Variants in SLC6A4 observed in about 807,000 individuals in gnomAD.
SLC6A4 encodes solute carrier family 6 member 4.
SLC6A4 carries 22 observed loss-of-function variants against 73.4 expected under a neutral mutation model. The ratio of observed to expected loss-of-function variants is 0.30; its 90% CI spans 0.21 to 0.43. The LOEUF (loss-of-function observed/expected upper bound fraction) is 0.43. Among genes scored for constraint, SLC6A4 ranks in the 20% least tolerant of loss-of-function variants. SLC6A4 has a pLI of 1.00. For synonymous variants in SLC6A4, 270 were observed against 315.5 expected, an observed-to-expected ratio of 0.86 and a Z score of 1.53; for missense variants, 593 against 808.5, an observed-to-expected ratio of 0.73 and a Z score of 3.23.
chr17:30,207,905 C>G (rs1247451534), intron 12 of SLC6A4, 73 bp from the exon 13 acceptor site: 2 of 1,113,366 alleles, frequency 1.8e-6, no homozygotes, highest in African/African-American at 1.5e-5. Context: ...CCCTGATTCT[C>G]TGGGAGAGTC....
intron 3 of SLC6A4, among the ~76,000 whole-genome samples, 166 bp from the exon 4 acceptor site, chr17:30,219,097 A>G (rs1329550928): frequency 1.3e-5 from 2 of 152,190 alleles, no homozygotes; most frequent in Non-Finnish European, 2.9e-5. Context: ...CTTTGCTAGA[A>G]GCAGTCGTAG....
intron 13 of SLC6A4, among the ~76,000 whole-genome samples, chr17:30,207,084 T>C (rs1246185335): frequency 6.6e-6 from 1 of 152,144 alleles, no homozygotes; most frequent in Non-Finnish European, 1.5e-5. Flanking sequence ...TATAGAAAAG[T>C]GAGTGTAAGT....
rs145732192 is a variant in SLC6A4, at chr17:30,211,331, G to A, written c.1298C>T (p.Thr433Met). 35 of 1,609,674 alleles carry A rather than the reference G, an allele frequency of 2.2e-5. No homozygotes were observed. Among genetic ancestry groups the A allele is most frequent in the Middle Eastern group, 1.7e-4 (1 of 5,818 alleles). ...FAIIFFLMLITLGLDSTFAGL... is the reference protein window; with the variant it reads ...FAIIFFLMLIMLGLDSTFAGL... ...CCTCACCGTGCTGTCCAAGCCCAGCGTGATTAACATCAGAAAGAAGATGAT... is the reference window on the plus strand; with the variant it reads ...CCTCACCGTGCTGTCCAAGCCCAGCATGATTAACATCAGAAAGAAGATGAT... The change falls in exon 10 of 15, where the codon ACG (threonine) becomes ATG (methionine). Residue 433 changes from threonine to methionine, a missense_variant. Transcript: ENST00000650711. This position sits in a 1 kb window ranked among gnomAD's most constrained non-coding sequence, Gnocchi z 4.0.
intron 3 of SLC6A4, among the ~76,000 whole-genome samples, chr17:30,219,867 A>G (rs1383937716): frequency 1.3e-5 from 2 of 152,210 alleles, no homozygotes; most frequent in African/African-American, 4.8e-5. Context: ...AGAAAGGTCC[A>G]TGTAATTTAC....
Position 30,210,595 on chromosome 17 carries a change from C to T in SLC6A4, c.1369G>A (p.Val457Ile), listed in dbSNP as rs190758123. 107 of 1,613,752 alleles carry T rather than the reference C, an allele frequency of 6.6e-5. 1 individual carries two copies. The highest frequency in any genetic ancestry group is 5.8e-4 in the South Asian group (53 of 91,032). Reference sequence around the variant, plus strand: ...AACCGCTCCCGGCGCTTGGCCCAGACGTGTGGGAACTCATCCAGCACAGCC... The same window carrying T: ...AACCGCTCCCGGCGCTTGGCCCAGATGTGTGGGAACTCATCCAGCACAGCC... Reference protein sequence around the residue: ...ITAVLDEFPHVWAKRRERFVL... With the variant: ...ITAVLDEFPHIWAKRRERFVL... Residue 457 changes from valine (V) to isoleucine (I), a missense_variant, in exon 11 of 15, where the codon GTC (valine) becomes ATC (isoleucine). Transcript: ENST00000650711.
chr17:30,206,997 C>T (rs1437997579), intron 13 of SLC6A4, among the ~76,000 whole-genome samples: 1 of 152,126 alleles, frequency 6.6e-6, no homozygotes, highest in Non-Finnish European at 1.5e-5. Context: ...TGAGCCACTG[C>T]ACCCAGCCTC....
Position 30,235,294 on chromosome 17 carries a change from A to T in SLC6A4, c.-221+319T>A, listed in dbSNP as rs1907234210. Among the ~76,000 whole-genome samples the T allele has an allele frequency of 6.6e-6, 1 of 152,116 alleles. No homozygotes were observed. Among genetic ancestry groups the T allele is most frequent in the African/African-American group, 2.4e-5 (1 of 41,424 alleles). On this transcript the variant is annotated intron_variant, in intron 1 of 14. Coordinates refer to ENST00000650711, the MANE Select transcript of SLC6A4 (RefSeq NM_001045.6). The surrounding 1 kb of genome is among the most constrained non-coding windows in gnomAD (Gnocchi z 4.5). Reference sequence around the variant, plus strand: ...AGCGCAGGACAGCACTTTGCTCAAGACCCTCTTTAAGGGGTCTTTCACGGG... The same window carrying T: ...AGCGCAGGACAGCACTTTGCTCAAGTCCCTCTTTAAGGGGTCTTTCACGGG...
intron 14 of SLC6A4, among the ~76,000 whole-genome samples, chr17:30,202,875 A>G (rs111909160): frequency 6.6e-6 from 1 of 152,202 alleles, no homozygotes; most frequent in Non-Finnish European, 1.5e-5. Context: ...AGTGGCAAGC[A>G]GGAGGCAGGG....
At position 30,198,512 on chromosome 17, in the gene SLC6A4, TA is replaced by T; in HGVS notation, c.1836del (p.Thr613ProfsTer15). 6.3e-7 allele frequency: 1 copy of T among 1,589,680 alleles called. No individual in the cohort carries two copies. Among genetic ancestry groups the T allele is most frequent in the South Asian group, 1.1e-5 (1 of 90,514 alleles). The part of the protein sequence containing the change: ...GTFKERIIKS[I>X]TPETPTEIPC... ...GGAATTTCTGTTGGTGTTTCTGGGG[TA>T]ATACTTTTAATAATACGCTATTGGG... is the stretch of plus-strand genomic sequence containing the variant. On this transcript the variant is annotated frameshift_variant, in exon 15 of 15. Transcript: ENST00000650711. LOFTEE classifies it high-confidence loss of function.
At position 30,209,192 on chromosome 17, in the gene SLC6A4, T is replaced by C. The variant is rs1906304333; in HGVS notation, c.1500A>G (p.Ala500=). The C allele has an allele frequency of 6.2e-7, 1 of 1,613,904 alleles. No individual in the cohort carries two copies. Among genetic ancestry groups the C allele is most frequent in the Non-Finnish European group, 8.5e-7 (1 of 1,179,898 alleles). The change falls in exon 12 of 15, where the codon GCA becomes GCG. Residue 500 remains alanine, a synonymous_variant. Transcript: ENST00000650711. ...KLLEEYATGP[A]VLTVALIEAV... ...CTTCGATCAGCGCGACAGTGAGCAC[T>C]GCGGGCCCCGTGGCATACTCCTCCA... is the stretch of plus-strand genomic sequence containing the variant.
Position 30,202,197 on chromosome 17 carries a change from C to A in SLC6A4, c.1818+975G>T, listed in dbSNP as rs538059467. Reference sequence around the variant, plus strand: ...GTGATGGACTCATGTCTAAATTTTGCGTAAGATCTCAAATTAGCCCACCTC... The same window carrying A: ...GTGATGGACTCATGTCTAAATTTTGAGTAAGATCTCAAATTAGCCCACCTC... On this transcript the variant is annotated intron_variant, in intron 14 of 14. Coordinates refer to ENST00000650711, the MANE Select transcript of SLC6A4 (RefSeq NM_001045.6). Among the ~76,000 whole-genome samples, 4 of 152,252 alleles carry A rather than the reference C, an allele frequency of 2.6e-5. No homozygotes were observed. In the South Asian group the frequency reaches 8.3e-4, roughly 32 times the overall value.
chr17:30,232,550 C>T (rs1013482340), intron 1 of SLC6A4, among the ~76,000 whole-genome samples: 7 of 152,200 alleles, frequency 4.6e-5, no homozygotes, highest in African/African-American at 1.7e-4. Context: ...GCTAAAGAGC[C>T]TGTGGCTTAA....
rs1012049846 is a variant in SLC6A4 at position 30,218,610 on chromosome 17, C to T, written c.478+187G>A. Among the ~76,000 whole-genome samples the T allele has an allele frequency of 6.6e-5, 10 of 152,170 alleles. No homozygotes were observed. In the South Asian group the frequency reaches 8.3e-4, roughly 13 times the overall value. Reference sequence around the variant, plus strand: ...TTTACATTAGTTTACTTCTCATTGCCGTTTATTCTGTTTCTCTTTGACAAT... The same window carrying T: ...TTTACATTAGTTTACTTCTCATTGCTGTTTATTCTGTTTCTCTTTGACAAT... On this transcript the variant is annotated intron_variant, in intron 4 of 14. Transcript: ENST00000650711.
chr17:30,235,307 G>C lies in SLC6A4; in HGVS notation c.-221+306C>G, dbSNP rs1489877080. Reference sequence around the variant, plus strand: ...ACTTTGCTCAAGACCCTCTTTAAGGGGTCTTTCACGGGTCCTCAAGAGGTT... The same window carrying C: ...ACTTTGCTCAAGACCCTCTTTAAGGCGTCTTTCACGGGTCCTCAAGAGGTT... On this transcript the variant is annotated intron_variant, in intron 1 of 14. Coordinates refer to ENST00000650711, the MANE Select transcript of SLC6A4 (RefSeq NM_001045.6). This position sits in a 1 kb window ranked among gnomAD's most constrained non-coding sequence, Gnocchi z 4.5. Among the ~76,000 whole-genome samples, 2 of 152,146 alleles carry C rather than the reference G, an allele frequency of 1.3e-5. No individual in the cohort carries two copies. The highest frequency in any genetic ancestry group is 2.9e-5 in the Non-Finnish European group (2 of 68,014).
chr17:30,203,914 C>A (rs1309012521), intron 13 of SLC6A4, among the ~76,000 whole-genome samples: 1 of 152,196 alleles, frequency 6.6e-6, no homozygotes, highest in Non-Finnish European at 1.5e-5. Flanking sequence ...TGTCCTTCTC[C>A]CATTTTCCTG....
intron 13 of SLC6A4, 35 bp from the exon 14 acceptor site, chr17:30,203,374 TAAC>T (rs1483043799): frequency 1.3e-6 from 2 of 1,573,090 alleles, no homozygotes; most frequent in Non-Finnish European, 1.7e-6. Context: ...TTAAAAACCT[TAAC>T]AATATCCACT....
chr17:30,232,424 C>T lies in SLC6A4; in HGVS notation c.-221+3189G>A, dbSNP rs901994421. On this transcript the variant is annotated intron_variant, in intron 1 of 14. Transcript: ENST00000650711. ...GACCCTCCCCTTGCTGTCTGTCACT[C>T]GTCAGTACCTGAAGACCTGGGACAT... Among the ~76,000 whole-genome samples the T allele has an allele frequency of 5.3e-5, 8 of 152,224 alleles. No homozygotes were observed. The South Asian group carries it at 6.2e-4, about 12-fold the overall frequency.
intron 12 of SLC6A4, among the ~76,000 whole-genome samples, chr17:30,208,593 A>C (rs1192519887): frequency 6.6e-6 from 1 of 152,210 alleles, no homozygotes; most frequent in Non-Finnish European, 1.5e-5. Flanking sequence ...AAAACAAAAC[A>C]AAACAAAAGC....
intron 11 of SLC6A4, among the ~76,000 whole-genome samples, chr17:30,210,143 A>G (rs1166997700): frequency 6.6e-6 from 1 of 152,032 alleles, no homozygotes; most frequent in Non-Finnish European, 1.5e-5. Context: ...TCTGGAGGAG[A>G]CCAAGCGGCA....
Sources: allele counts gnomAD v4.1 joint callset (sites outside exome capture counted in the v4.1 genomes callset), GRCh38; gene constraint gnomAD v4.1.1; non-coding constraint Gnocchi (gnomAD v3.1); transcripts MANE v1.5; gene names NCBI Gene and HGNC (gene_info 2026-07-23, HGNC 2026-07-21).